MALRD1: variants seen among roughly 807,000 people sequenced by gnomAD.
The protein encoded by MALRD1 is MAM and LDL receptor class A domain containing 1.
MALRD1 carries 247 observed loss-of-function variants against 242.1 expected under a neutral mutation model. The ratio of observed to expected loss-of-function variants is 1.02; its 90% CI spans 0.92 to 1.13. The LOEUF (loss-of-function observed/expected upper bound fraction) is 1.13. Ranked by LOEUF, MALRD1 falls within the 50% of genes most tolerant of loss-of-function variation. The probability of loss-of-function intolerance (pLI) is 0.00; values close to 1 mark genes in which losing one functional copy is unlikely to be tolerated. For missense variants in MALRD1, 2,989 were observed against 2,533.1 expected, an observed-to-expected ratio of 1.18 and a Z score of -3.86; for synonymous variants, 995 against 866.6, an observed-to-expected ratio of 1.15 and a Z score of -2.60.
Position 19,279,937 on chromosome 10 carries a change from C to G in MALRD1, c.3080-110C>G, listed in dbSNP as rs1588841080. 5.9e-6 allele frequency: 5 copies of G among 849,604 alleles called. No individual in the cohort carries two copies. The South Asian group carries it at 1.1e-4, about 19-fold the overall frequency. The allele number at this position is 849,604 out of a possible 1,614,324, so 52.6% of individuals were successfully genotyped here. A position where few individuals can be genotyped will look rare whatever the true frequency, so the allele number is the denominator to read the frequency against. ...AGAGTAGCTGATACTACCCACTGTT[C>G]TCTATGATATTGTGGGGCATATTTA... On this transcript the variant is annotated intron_variant, in intron 19 of 39. Transcript: ENST00000454679.
chr10:19,607,131 G>A (rs772374179), intron 34 of MALRD1, among the ~76,000 whole-genome samples: 33 of 152,176 alleles, frequency 2.2e-4, no homozygotes, highest in Non-Finnish European at 2.1e-4. Context: ...CTATTGAAAT[G>A]TTTGCCTATT....
chr10:19,629,712 G>A (rs940638582), intron 36 of MALRD1, among the ~76,000 whole-genome samples: 10 of 152,140 alleles, frequency 6.6e-5, no homozygotes, highest in African/African-American at 1.9e-4. Context: ...TGGCGCTCGA[G>A]AGACTGGAGC....
intron 36 of MALRD1, among the ~76,000 whole-genome samples, chr10:19,684,355 T>C (rs1173944335): frequency 1.3e-5 from 2 of 152,218 alleles, no homozygotes; most frequent in Non-Finnish European, 2.9e-5. Context: ...AAGTGCTCAA[T>C]AAATATTTCT....
At chr10:19,534,454 C>T (rs1167177509) in intron 32 of MALRD1, among the ~76,000 whole-genome samples, 2 of 152,092 alleles carry the variant, frequency 1.3e-5, no homozygotes, top group East Asian at 1.9e-4. Context: ...TCTCTAATTT[C>T]GGTATTACAG....
At position 19,645,364 on chromosome 10, in the gene MALRD1, G is replaced by C. The variant is rs186647529; in HGVS notation, c.6137+29441G>C. Among the ~76,000 whole-genome samples, 1,418 of 152,216 alleles carry C rather than the reference G, an allele frequency of 9.3e-3. 20 individuals are homozygous for C. The highest frequency in any genetic ancestry group is 0.032 in the African/African-American group (1,322 of 41,526). On this transcript the variant is annotated intron_variant, in intron 36 of 39. Transcript: ENST00000454679. ...AACTAGAAATACCATTTGAACCAGC[G>C]ATCCCATTACTGGGTATATACCCAA...
chr10:19,511,462 G>C (rs1833397859), intron 31 of MALRD1, among the ~76,000 whole-genome samples: 1 of 152,184 alleles, frequency 6.6e-6, no homozygotes, highest in African/African-American at 2.4e-5. Flanking sequence ...AGCATGGTTA[G>C]AGCCCATCAA....
chr10:19,420,460 A>C (rs1471850199), intron 28 of MALRD1, among the ~76,000 whole-genome samples: 1 of 151,862 alleles, frequency 6.6e-6, no homozygotes, highest in African/African-American at 2.4e-5. Context: ...AAGGAAAAAC[A>C]ATCATGTATT....
chr10:19,052,162 C>A, intron 1 of MALRD1: 1 of 429,426 alleles, frequency 2.3e-6, no homozygotes, highest in Non-Finnish European at 4.5e-6. Flanking sequence ...CTAATGATGT[C>A]TAAAGAAAAT....
intron 32 of MALRD1, among the ~76,000 whole-genome samples, chr10:19,539,086 G>GA (rs1370243067): frequency 6.6e-6 from 1 of 152,038 alleles, no homozygotes; most frequent in East Asian, 1.9e-4. Flanking sequence ...TAAAAGCAGA[G>GA]AAAAAAATGG....
intron 36 of MALRD1, among the ~76,000 whole-genome samples, chr10:19,619,911 G>A (rs1227981667): frequency 6.6e-6 from 1 of 151,902 alleles, no homozygotes; most frequent in Non-Finnish European, 1.5e-5. Flanking sequence ...CAGTACTTTG[G>A]GAGACTGAGG....
chr10:19,355,481 G>A (rs1444443690), intron 26 of MALRD1, among the ~76,000 whole-genome samples: 2 of 151,366 alleles, frequency 1.3e-5, no homozygotes, highest in African/African-American at 2.4e-5. Flanking sequence ...ATAACTTGTG[G>A]GAATGTCTGC....
chr10:19,310,201 A>G (rs1320786110), intron 21 of MALRD1, among the ~76,000 whole-genome samples: 1 of 151,430 alleles, frequency 6.6e-6, no homozygotes, highest in Non-Finnish European at 1.5e-5. Context: ...ACAGGAAATG[A>G]AGGAAAGGAT....
intron 8 of MALRD1, among the ~76,000 whole-genome samples, chr10:19,132,256 G>A (rs776036124): frequency 3.3e-5 from 5 of 152,140 alleles, no homozygotes; most frequent in Non-Finnish European, 5.9e-5. Context: ...ATCTGTGTAG[G>A]GTGATGCTAA....
intron 26 of MALRD1, among the ~76,000 whole-genome samples, chr10:19,363,702 A>G (rs79137657): frequency 9.8e-5 from 15 of 152,302 alleles, no homozygotes; most frequent in African/African-American, 3.6e-4. Context: ...AGTGGGAGAC[A>G]TGGGTCTTAA....
intron 36 of MALRD1, among the ~76,000 whole-genome samples, chr10:19,652,336 A>G (rs983082533): frequency 1.3e-5 from 2 of 152,224 alleles, no homozygotes; most frequent in Non-Finnish European, 2.9e-5. Context: ...TCTGAGAAGA[A>G]AGAGCCAAAT....
At chr10:19,282,109 A>G (rs1477459846) in intron 20 of MALRD1, among the ~76,000 whole-genome samples, 1 of 128,674 alleles carries the variant, frequency 7.8e-6, no homozygotes, top group African/African-American at 3.1e-5. Context: ...TTGACATGTT[A>G]TATTTTCCGA....
At chr10:19,505,898 C>A (rs2131271498) in intron 31 of MALRD1, among the ~76,000 whole-genome samples, 1 of 152,258 alleles carries the variant, frequency 6.6e-6, no homozygotes, top group Middle Eastern at 3.4e-3. Flanking sequence ...AGGATCATCA[C>A]AATAGGGAGT....
At chr10:19,519,417 C>G (rs1443350660) in intron 31 of MALRD1, among the ~76,000 whole-genome samples, 1 of 152,050 alleles carries the variant, frequency 6.6e-6, no homozygotes, top group Non-Finnish European at 1.5e-5. Context: ...ACTAATATTT[C>G]ATATACTCAT....
intron 33 of MALRD1, among the ~76,000 whole-genome samples, chr10:19,587,570 A>G (rs2131533429): frequency 6.6e-6 from 1 of 152,370 alleles, no homozygotes. Flanking sequence ...ATTGAATTTC[A>G]TTGCAAATTA....
Sources: allele counts gnomAD v4.1 joint callset (sites outside exome capture counted in the v4.1 genomes callset), GRCh38; gene constraint gnomAD v4.1.1; transcripts MANE v1.5; gene names NCBI Gene and HGNC (gene_info 2026-07-23, HGNC 2026-07-21).